The following ECT2L variants were observed in gnomAD, a reference collection of about 807,000 sequenced individuals.
ECT2L encodes the protein epithelial cell-transforming sequence 2 oncogene-like.
ECT2L carries 126 observed loss-of-function variants against 122.8 expected under a neutral mutation model. The observed-to-expected ratio is 1.03, with a 90% CI of 0.89 to 1.19. ECT2L has a LOEUF of 1.19. Among genes scored for constraint, ECT2L ranks in the 50% most tolerant of loss-of-function variants. ECT2L has a pLI of 0.00. For synonymous variants in ECT2L, 385 were observed against 381.8 expected (o/e 1.01, Z -0.10); for missense variants, 1,012 against 1,064.1 (o/e 0.95, Z 0.68).
intron 4 of ECT2L, among the ~76,000 whole-genome samples, chr6:138,818,869 G>A (rs1042612979): frequency 2.0e-5 from 3 of 152,060 alleles, no homozygotes; most frequent in African/African-American, 4.8e-5. Flanking sequence ...CAAGATATCC[G>A]GGGGTGGGGG....
intron 5 of ECT2L, among the ~76,000 whole-genome samples, chr6:138,841,536 C>A (rs1040107090): frequency 6.6e-6 from 1 of 152,210 alleles, no homozygotes; most frequent in Non-Finnish European, 1.5e-5. Context: ...ATTACCAAGC[C>A]TCTCCCGTCT....
At chr6:138,822,711 C>T (rs866931724) in intron 4 of ECT2L, 170 of 1,560,572 alleles carry the variant, frequency 1.1e-4, no homozygotes, top group Middle Eastern at 1.7e-4. Context: ...ACGCAGAAGA[C>T]GGGTGATTTC....
rs537464358 is a variant in ECT2L at position 138,814,113 on chromosome 6, A to G, written c.67-378A>G. On this transcript the variant is annotated intron_variant, in intron 3 of 21. Coordinates refer to ENST00000541398, the MANE Select transcript of ECT2L (RefSeq NM_001077706.3). ...ATGGTTCTGTTTTCACAATTAAATG[A>G]GTGTAGCCCGTATATGTTTTCAAAA... 1.9e-3 allele frequency among the ~76,000 whole-genome samples: 288 copies of G among 152,242 alleles called. 1 individual carries two copies. Among genetic ancestry groups the G allele is most frequent in the Non-Finnish European group, 3.2e-3 (215 of 68,002 alleles).
At chr6:138,896,255 CT>C (rs1030022497) in intron 20 of ECT2L, among the ~76,000 whole-genome samples, 7 of 151,948 alleles carry the variant, frequency 4.6e-5, no homozygotes, top group African/African-American at 1.7e-4. Flanking sequence ...TTTAAGCATG[CT>C]TTTTTTCTTC....
rs758335446 is a variant in ECT2L at position 138,880,954 on chromosome 6, C to T, written c.1666-3C>T. 6 of 1,612,886 alleles carry T rather than the reference C, an allele frequency of 3.7e-6. No individual in the cohort carries two copies. The South Asian group carries it at 4.4e-5, about 12-fold the overall frequency. On this transcript the variant is annotated splice_polypyrimidine_tract_variant and splice_region_variant and intron_variant, in intron 14 of 21. Coordinates refer to ENST00000541398, the MANE Select transcript of ECT2L (RefSeq NM_001077706.3). ...GACTTGAGTTCTTAACACTTCTCTA[C>T]AGGAGAGAATACTCCAGAAGGACTC...
intron 10 of ECT2L, among the ~76,000 whole-genome samples, chr6:138,856,489 A>G (rs1321877555): frequency 1.3e-5 from 2 of 152,244 alleles, no homozygotes; most frequent in Non-Finnish European, 2.9e-5. Flanking sequence ...CTGGGATTAC[A>G]GGCATGAGCC....
Position 138,882,747 on chromosome 6 carries a change from A to T in ECT2L, c.1904A>T (p.Asp635Val), listed in dbSNP as rs775218066. Residue 635 changes from aspartate to valine, a missense_variant, in exon 16 of 22, where the codon GAC becomes GTC. Transcript: ENST00000541398. ...LNRQFLDNLR[D>V]RLQEWGPAHC... ...AGGCAGTTTCTAGATAACCTGAGAGACAGACTGCAGGAATGGGGCCCAGCT... is the reference window on the plus strand; with the variant it reads ...AGGCAGTTTCTAGATAACCTGAGAGTCAGACTGCAGGAATGGGGCCCAGCT... 2 of 1,614,168 alleles carry T rather than the reference A, an allele frequency of 1.2e-6. No individual in the cohort carries two copies. Among genetic ancestry groups the T allele is most frequent in the Non-Finnish European group, 1.7e-6 (2 of 1,180,018 alleles).
At chr6:138,858,732 G>A (rs9885723) in intron 10 of ECT2L, among the ~76,000 whole-genome samples, 2,134 of 104,426 alleles carry the variant, frequency 0.02, 62 homozygotes, top group African/African-American at 0.073. Context: ...TTTGAGACAG[G>A]GTCTGCTTTG....
chr6:138,856,739 C>G (rs538860743), intron 10 of ECT2L, among the ~76,000 whole-genome samples: 1 of 152,314 alleles, frequency 6.6e-6, no homozygotes, highest in East Asian at 1.9e-4. Context: ...ACTAAAGCAG[C>G]TTTAAAGACT....
chr6:138,871,154 A>G (rs1778238166), intron 13 of ECT2L, among the ~76,000 whole-genome samples: 1 of 152,244 alleles, frequency 6.6e-6, no homozygotes, highest in Non-Finnish European at 1.5e-5. Flanking sequence ...GGATTCAAGA[A>G]ATGCTGAGAA....
intron 13 of ECT2L, among the ~76,000 whole-genome samples, chr6:138,873,209 T>C (rs1378509664): frequency 6.7e-6 from 1 of 149,526 alleles, no homozygotes; most frequent in Non-Finnish European, 1.5e-5. Flanking sequence ...GCAAAACTCC[T>C]TAATGCCTGG....
chr6:138,886,053 A>G (rs1778809634), intron 18 of ECT2L, among the ~76,000 whole-genome samples: 1 of 152,228 alleles, frequency 6.6e-6, no homozygotes, highest in Non-Finnish European at 1.5e-5. Context: ...TATTTGTACA[A>G]ATATAATGAA....
intron 5 of ECT2L, among the ~76,000 whole-genome samples, chr6:138,839,659 T>C (rs1776972118): frequency 1.3e-5 from 2 of 152,244 alleles, no homozygotes; most frequent in Non-Finnish European, 2.9e-5. Flanking sequence ...CCACTGTGCC[T>C]GGCCTAGTCT....
At chr6:138,881,642 C>T (rs539787041) in intron 15 of ECT2L, among the ~76,000 whole-genome samples, 12 of 151,692 alleles carry the variant, frequency 7.9e-5, no homozygotes, top group African/African-American at 1.5e-4. Flanking sequence ...TAGATGGTCC[C>T]GTCTTGGGAT....
chr6:138,797,662 CT>C (rs1169688353), intron 1 of ECT2L, among the ~76,000 whole-genome samples: 1 of 151,904 alleles, frequency 6.6e-6, no homozygotes, highest in African/African-American at 2.4e-5. Flanking sequence ...AAACAAAAAA[CT>C]TTTTTCTCTT....
chr6:138,813,841 C>T (rs1321356), intron 3 of ECT2L, among the ~76,000 whole-genome samples: 60,227 of 151,928 alleles, frequency 0.4, 12,336 homozygotes, highest in South Asian at 0.6. Flanking sequence ...GTGAGTTCAG[C>T]CTCATTCACC....
At chr6:138,889,685 A>C (rs915988754) in intron 20 of ECT2L, among the ~76,000 whole-genome samples, 3 of 152,254 alleles carry the variant, frequency 2.0e-5, no homozygotes, top group African/African-American at 7.2e-5. Flanking sequence ...CTCAAATGTA[A>C]GAAAGAGAGG....
In ECT2L at chr6:138,902,676, G is replaced by A; in HGVS notation, c.*49G>A. ...GTGCCAATTCTCCCCAGCAAAGACAGACAACATGTATTTTCTGTTCCAAAA... is the reference window on the plus strand; with the variant it reads ...GTGCCAATTCTCCCCAGCAAAGACAAACAACATGTATTTTCTGTTCCAAAA... On this transcript the variant is annotated 3_prime_UTR_variant, in exon 22 of 22. Transcript: ENST00000541398. The A allele has an allele frequency of 6.2e-7, 1 of 1,605,570 alleles. No homozygotes were observed. The highest frequency in any genetic ancestry group is 8.5e-7 in the Non-Finnish European group (1 of 1,175,554).
intron 15 of ECT2L, among the ~76,000 whole-genome samples, chr6:138,881,578 T>C (rs573151052): frequency 5.9e-5 from 9 of 151,974 alleles, no homozygotes; most frequent in South Asian, 4.1e-4. Flanking sequence ...AAAATAATTA[T>C]ACAACTCACC....
Sources: allele counts gnomAD v4.1 joint callset (sites outside exome capture counted in the v4.1 genomes callset), GRCh38; gene constraint gnomAD v4.1.1; transcripts MANE v1.5; gene names NCBI Gene and HGNC (gene_info 2026-07-23, HGNC 2026-07-21).